The following MTUS2 variants were observed in gnomAD, a reference collection of about 807,000 sequenced individuals.
MTUS2 encodes the protein microtubule-associated tumor suppressor candidate 2.
MTUS2 carries 40 observed loss-of-function variants against 114.1 expected under a neutral mutation model. The observed-to-expected ratio is 0.35, with a 90% CI of 0.27 to 0.46. The LOEUF (loss-of-function observed/expected upper bound fraction) is 0.46. MTUS2 is among the 20% of genes least tolerant of loss of function. The pLI, the probability that MTUS2 is intolerant of heterozygous loss-of-function variation, is 1.00. For synonymous variants in MTUS2, 688 were observed against 672.0 expected (o/e 1.02, Z -0.37); for missense variants, 1,679 against 1,705.4 (o/e 0.98, Z 0.27).
intron 2 of MTUS2, among the ~76,000 whole-genome samples, chr13:28,998,276 G>T (rs554173447): frequency 6.6e-6 from 1 of 152,316 alleles, no homozygotes; most frequent in East Asian, 1.9e-4. Flanking sequence ...AGTCCGATGG[G>T]CTTCCCTTTG....
At chr13:29,031,237 G>GGTGTGTGTGTGTGTGTGTGTGT (rs59288953) in intron 3 of MTUS2, among the ~76,000 whole-genome samples, 7,447 of 122,688 alleles carry the variant, frequency 0.061, 358 homozygotes, top group Middle Eastern at 0.093. Context: ...AGAACTAATA[G>GGTGTGTGTGTGTGTGTGTGTGT]GTGTGTGTGT....
rs34218047 is a variant in MTUS2 at position 28,985,560 on chromosome 13, CTT to C, written c.-242-38882_-242-38881del. 4.7e-3 allele frequency among the ~76,000 whole-genome samples: 664 copies of C among 142,320 alleles called. 3 individuals are homozygous for C. The highest frequency in any genetic ancestry group is 0.011 in the African/African-American group (448 of 39,430). 93.4% of individuals were successfully genotyped at this position (142,320 alleles called of 152,430 possible). On this transcript the variant is annotated intron_variant, in intron 2 of 15. Transcript: ENST00000612955. Reference sequence around the variant, plus strand: ...TTTTAGCAATCGAAGAAATGGTATTCTTTTTTTTTTTTTTTTAAAAAGCTTTA... The same window carrying C: ...TTTTAGCAATCGAAGAAATGGTATTCTTTTTTTTTTTTTTAAAAAGCTTTA...
intron 1 of MTUS2, among the ~76,000 whole-genome samples, chr13:28,824,185 C>G (rs552371091): frequency 1.3e-5 from 2 of 152,022 alleles, no homozygotes; most frequent in Non-Finnish European, 2.9e-5. Flanking sequence ...TTGTTCTAGC[C>G]CACACAAATG....
chr13:29,316,597 A>G (rs1490936438), intron 6 of MTUS2, among the ~76,000 whole-genome samples: 1 of 152,216 alleles, frequency 6.6e-6, no homozygotes, highest in Non-Finnish European at 1.5e-5. Context: ...TTCTATGGGC[A>G]GGTGAGCAGG....
At chr13:29,281,659 C>T in intron 5 of MTUS2, 45 bp from the exon 6 acceptor site, 6 of 1,537,512 alleles carry the variant, frequency 3.9e-6, no homozygotes, top group Non-Finnish European at 5.3e-6. Context: ...GGGCTCCATC[C>T]ATTTTTCATG....
Position 29,025,686 on chromosome 13 carries a change from G to A in MTUS2, c.988G>A (p.Gly330Arg), listed in dbSNP as rs889897150. Reference protein sequence around the residue: ...VEQEGKAAQEGYLGCHKEENL... With the variant: ...VEQEGKAAQERYLGCHKEENL... ...ACAGGAGGGAAAGGCAGCCCAGGAA[G>A]GGTATCTGGGATGCCACAAGGAAGA... Residue 330 changes from glycine (G) to arginine (R), a missense_variant, in exon 3 of 16, where the codon GGG (glycine) becomes AGG (arginine). Around this residue, in one of 3 missense-constraint regions of MTUS2, gnomAD observed 843 missense variants for 770.8 expected, o/e 1.09. Transcript: ENST00000612955. The A allele has an allele frequency of 5.0e-6, 8 of 1,613,900 alleles. No homozygotes were observed. In the African/African-American group the frequency reaches 1.1e-4, roughly 22 times the overall value.
chr13:29,404,023 T>G (rs908562117), intron 8 of MTUS2, among the ~76,000 whole-genome samples: 2 of 152,032 alleles, frequency 1.3e-5, no homozygotes, highest in African/African-American at 4.8e-5. Context: ...ACTCCATCTA[T>G]ACTCTTATTT....
At chr13:28,993,335 G>A (rs1470381402) in intron 2 of MTUS2, among the ~76,000 whole-genome samples, 1 of 152,118 alleles carries the variant, frequency 6.6e-6, no homozygotes, top group Non-Finnish European at 1.5e-5. Flanking sequence ...TCTAGCAGCT[G>A]TACCATTTTA....
intron 1 of MTUS2, among the ~76,000 whole-genome samples, chr13:28,834,414 A>G (rs1466478665): frequency 6.6e-6 from 1 of 152,172 alleles, no homozygotes. Flanking sequence ...AAGAGTGACA[A>G]GATAATTCAA....
In MTUS2 at chr13:28,857,221, A is replaced by C. The variant is rs7336346; in HGVS notation, c.-243+17371A>C. Among the ~76,000 whole-genome samples, 1,297 of 152,324 alleles carry C rather than the reference A, an allele frequency of 8.5e-3. 19 individuals are homozygous for C. Among genetic ancestry groups the C allele is most frequent in the African/African-American group, 0.03 (1,238 of 41,574 alleles). On this transcript the variant is annotated intron_variant, in intron 2 of 15. Coordinates refer to ENST00000612955, the MANE Select transcript of MTUS2 (RefSeq NM_001033602.4). ...CAGGGAATGTTGTACCAACTGAGAAAATTTATGAAGATGATAGATCTAGAA... is the reference window on the plus strand; with the variant it reads ...CAGGGAATGTTGTACCAACTGAGAACATTTATGAAGATGATAGATCTAGAA...
At chr13:29,073,079 G>GA (rs1889018198) in intron 4 of MTUS2, among the ~76,000 whole-genome samples, 1 of 151,952 alleles carries the variant, frequency 6.6e-6, no homozygotes. Context: ...TAATCCGGTG[G>GA]AAAAGATGTC....
intron 5 of MTUS2, among the ~76,000 whole-genome samples, chr13:29,149,150 G>A (rs992395924): frequency 1.6e-4 from 24 of 152,162 alleles, no homozygotes; most frequent in Non-Finnish European, 2.9e-4. Flanking sequence ...CTCACCAACA[G>A]TGTAAAGGCA....
In MTUS2 at chr13:29,025,556, G is replaced by T; in HGVS notation, c.858G>T (p.Leu286Phe). 6.2e-7 allele frequency: 1 copy of T among 1,613,936 alleles called. No individual in the cohort carries two copies. Reference protein sequence around the residue: ...HSAHPEPALNLTLASKEIPSK... With the variant: ...HSAHPEPALNFTLASKEIPSK... ...CCCATCCAGAGCCTGCTCTGAATTT[G>T]ACTTTGGCATCGAAGGAAATCCCAA... The change falls in exon 3 of 16, where the codon TTG becomes TTT. Residue 286 changes from leucine (L) to phenylalanine (F), a missense_variant. By Grantham distance (22) the Leu-to-Phe change is conservative. Around this residue, in one of 3 missense-constraint regions of MTUS2, gnomAD observed 843 missense variants for 770.8 expected, o/e 1.09. Coordinates refer to ENST00000612955, the MANE Select transcript of MTUS2 (RefSeq NM_001033602.4).
chr13:29,408,009 G>T (rs1874917929), intron 8 of MTUS2, among the ~76,000 whole-genome samples: 1 of 151,928 alleles, frequency 6.6e-6, no homozygotes, highest in Non-Finnish European at 1.5e-5. Context: ...CATATCCTTT[G>T]TTCTTTTTTC....
intron 2 of MTUS2, among the ~76,000 whole-genome samples, chr13:28,957,691 G>T (rs73439456): frequency 1.3e-5 from 2 of 152,152 alleles, no homozygotes; most frequent in African/African-American, 2.4e-5. Flanking sequence ...CTGGAGGGGG[G>T]GGTCCTGGGA....
chr13:29,007,851 A>G (rs892665706), intron 2 of MTUS2, among the ~76,000 whole-genome samples: 1 of 152,248 alleles, frequency 6.6e-6, no homozygotes, highest in African/African-American at 2.4e-5. Flanking sequence ...TCTGCTCAGC[A>G]GCAGGCTATT....
At chr13:29,165,505 C>T (rs4559776) in intron 5 of MTUS2, among the ~76,000 whole-genome samples, 73,783 of 152,032 alleles carry the variant, frequency 0.49, 19,212 homozygotes, top group African/African-American at 0.69. Flanking sequence ...ATGATATCTG[C>T]TGTCTTTCCT....
intron 2 of MTUS2, among the ~76,000 whole-genome samples, chr13:28,936,661 G>A (rs1881917352): frequency 6.6e-6 from 1 of 152,176 alleles, no homozygotes; most frequent in South Asian, 2.1e-4. Context: ...GGAGGAGGGC[G>A]TGTGGGGTGT....
At chr13:28,842,018 T>G (rs762151227) in intron 2 of MTUS2, among the ~76,000 whole-genome samples, 1 of 152,152 alleles carries the variant, frequency 6.6e-6, no homozygotes, top group East Asian at 1.9e-4. Context: ...ATTTACCCCC[T>G]TCTCCCCCAT....
Sources: gnomAD v4.1 joint callset for allele counts (sites outside exome capture counted in the v4.1 genomes callset) on GRCh38, gnomAD v4.1.1 for gene constraint, gnomAD v4.1.1 regional missense constraint, MANE v1.5 for transcripts, NCBI Gene and HGNC (gene_info 2026-07-23, HGNC 2026-07-21) for gene names.